PECR: variants seen among roughly 807,000 people sequenced by gnomAD.
The protein encoded by PECR is 2,4-dienoyl-CoA reductase-related protein.
A neutral mutation model predicts 35.3 loss-of-function variants in PECR; 30 were observed. The ratio of observed to expected loss-of-function variants is 0.85; its 90% CI spans 0.64 to 1.15. The LOEUF is 1.15. PECR is among the 50% of genes most tolerant of loss of function. The probability of loss-of-function intolerance (pLI) is 0.00; values close to 1 mark genes in which losing one functional copy is unlikely to be tolerated. For missense variants in PECR, 392 were observed against 370.8 expected (o/e 1.06, Z -0.47); for synonymous variants, 148 against 138.9 (o/e 1.07, Z -0.46).
Position 216,049,382 on chromosome 2 carries a change from A to C in PECR, c.604-9T>G. ...TGGGAATAAATAACTCCCTGTGTTT[A>C]AAAATAAAACAGGGACAAAATAAAG... On this transcript the variant is annotated splice_polypyrimidine_tract_variant and intron_variant, in intron 5 of 7. Coordinates refer to ENST00000265322, the MANE Select transcript of PECR (RefSeq NM_018441.6). The C allele has an allele frequency of 8.4e-7, 1 of 1,188,614 alleles. No individual in the cohort carries two copies. The highest frequency in any genetic ancestry group is 1.3e-6 in the Non-Finnish European group (1 of 792,036). The allele number at this position is 1,188,614 out of a possible 1,614,324, so 73.6% of individuals were successfully genotyped here. A position where few individuals can be genotyped will look rare whatever the true frequency, so the allele number is the denominator to read the frequency against.
chr2:216,081,630 G>T lies in PECR; in HGVS notation c.112C>A (p.Leu38Ile), dbSNP rs546355135. The T allele has an allele frequency of 1.2e-6, 2 of 1,613,736 alleles. No homozygotes were observed. The highest frequency in any genetic ancestry group is 2.2e-5 in the East Asian group (1 of 44,888). Reference sequence around the variant, plus strand: ...CCCGCTCACGTACCCAGCTCCAGGAGCTCCTTCACGATGGCTTTTCCGATG... The same window carrying T: ...CCCGCTCACGTACCCAGCTCCAGGATCTCCTTCACGATGGCTTTTCCGATG... The part of the protein sequence containing the change: ...TGIGKAIVKE[L>I]LELGSNVVIA... Residue 38 changes from leucine to isoleucine, a missense_variant, in exon 1 of 8, where the codon CTC becomes ATC. Physicochemically the swap from Leu to Ile is conservative, Grantham distance 5. Coordinates refer to ENST00000265322, the MANE Select transcript of PECR (RefSeq NM_018441.6).
chr2:216,047,934 T>G (rs1000365963), intron 6 of PECR, among the ~76,000 whole-genome samples: 1 of 152,030 alleles, frequency 6.6e-6, no homozygotes, highest in Non-Finnish European at 1.5e-5. Flanking sequence ...GTTTTGTTTT[T>G]TTCATTTATG....
chr2:216,035,068 G>A (rs773142513), downstream of PECR, among the ~76,000 whole-genome samples: 16 of 152,214 alleles, frequency 1.1e-4, no homozygotes, highest in South Asian at 2.1e-4. Flanking sequence ...TGGGCCACAG[G>A]ACGGCCAGTC....
chr2:216,074,479 A>G (rs1044251235), intron 1 of PECR, among the ~76,000 whole-genome samples: 1 of 145,494 alleles, frequency 6.9e-6, no homozygotes, highest in Non-Finnish European at 1.5e-5. Context: ...AAAGAGAGAG[A>G]GAAAGAAAGA....
intron 6 of PECR, among the ~76,000 whole-genome samples, chr2:216,048,217 G>A (rs907507115): frequency 6.6e-6 from 1 of 151,936 alleles, no homozygotes; most frequent in African/African-American, 2.4e-5. Flanking sequence ...TGGGACTACA[G>A]GTGTCCGCCA....
intron 7 of PECR, among the ~76,000 whole-genome samples, chr2:216,041,522 T>C (rs1005419522): frequency 2.6e-5 from 4 of 152,260 alleles, no homozygotes; most frequent in Admixed American, 2.0e-4. Flanking sequence ...ACTGTGATAT[T>C]GTGAAACATA....
intron 1 of PECR, among the ~76,000 whole-genome samples, chr2:216,070,647 C>A (rs1009509904): frequency 1.3e-5 from 2 of 152,144 alleles, no homozygotes; most frequent in African/African-American, 4.8e-5. Flanking sequence ...AAGGAAGGGG[C>A]CAGGGGAAGA....
At chr2:216,046,372 G>A (rs534847666) in intron 6 of PECR, among the ~76,000 whole-genome samples, 1 of 142,992 alleles carries the variant, frequency 7.0e-6, no homozygotes, top group Non-Finnish European at 1.5e-5. Flanking sequence ...GTGCAGTGGC[G>A]CAATCTCTGC....
chr2:216,068,344 T>C (rs1002766099), intron 1 of PECR, among the ~76,000 whole-genome samples: 2 of 148,904 alleles, frequency 1.3e-5, no homozygotes. Flanking sequence ...ACATTAAGTA[T>C]ACAACAAGAA....
chr2:216,043,513 A>G (rs1157897454), intron 7 of PECR, among the ~76,000 whole-genome samples: 1 of 151,896 alleles, frequency 6.6e-6, no homozygotes, highest in African/African-American at 2.4e-5. Flanking sequence ...ATAGCACCCC[A>G]CCCCACCTAG....
At chr2:216,062,585 C>T (rs965144846) in intron 3 of PECR, among the ~76,000 whole-genome samples, 5 of 151,910 alleles carry the variant, frequency 3.3e-5, no homozygotes, top group Non-Finnish European at 5.9e-5. Flanking sequence ...CAGACTGGGT[C>T]GGGACTTTAG....
downstream of PECR, among the ~76,000 whole-genome samples, chr2:216,036,558 G>A (rs1416820801): frequency 1.3e-5 from 2 of 152,216 alleles, no homozygotes; most frequent in Non-Finnish European, 2.9e-5. Context: ...ATGACCCACT[G>A]AGCGCCTGCT....
downstream of PECR, among the ~76,000 whole-genome samples, chr2:216,033,495 T>G (rs1361233266): frequency 6.6e-6 from 1 of 152,064 alleles, no homozygotes; most frequent in Non-Finnish European, 1.5e-5. Flanking sequence ...CTGAAGGAAC[T>G]GGCAGAAAAG....
intron 4 of PECR, 131 bp from the exon 5 acceptor site, chr2:216,051,676 T>C: frequency 1.4e-6 from 1 of 719,444 alleles, no homozygotes; most frequent in Non-Finnish European, 2.6e-6. Flanking sequence ...TCTGTCTTGT[T>C]GAGCTTCTGT....
chr2:216,037,658 T>C (rs751326137), downstream of PECR, among the ~76,000 whole-genome samples: 2 of 152,118 alleles, frequency 1.3e-5, no homozygotes, highest in Non-Finnish European at 2.9e-5. Flanking sequence ...CAATGGAGAA[T>C]AGCTCCTTAA....
chr2:216,048,678 C>A (rs1175659205), intron 6 of PECR, among the ~76,000 whole-genome samples: 1 of 151,826 alleles, frequency 6.6e-6, no homozygotes, highest in African/African-American at 2.4e-5. Context: ...CCACTGCACT[C>A]CAGCCTGGGC....
chr2:216,050,197 A>G (rs6737781), intron 5 of PECR, among the ~76,000 whole-genome samples: 114,947 of 152,098 alleles, frequency 0.76, 43,637 homozygotes, highest in African/African-American at 0.81. Flanking sequence ...ACTTCAGCCT[A>G]GGCAACACAG....
chr2:216,043,319 A>G (rs2105944294), intron 7 of PECR, among the ~76,000 whole-genome samples: 1 of 152,128 alleles, frequency 6.6e-6, no homozygotes, highest in East Asian at 1.9e-4. Context: ...TGTGTTAACC[A>G]GGCTGGTCTC....
intron 6 of PECR, among the ~76,000 whole-genome samples, chr2:216,046,724 T>C (rs377419716): frequency 8.2e-4 from 125 of 152,326 alleles, no homozygotes; most frequent in South Asian, 2.9e-3. Flanking sequence ...TTAACATGGC[T>C]CATCAAATGT....
Sources: gnomAD v4.1 joint callset for allele counts (sites outside exome capture counted in the v4.1 genomes callset) on GRCh38, gnomAD v4.1.1 for gene constraint, MANE v1.5 for transcripts, NCBI Gene and HGNC (gene_info 2026-07-23, HGNC 2026-07-21) for gene names.